The following STAT4 variants were observed in gnomAD, a reference collection of about 807,000 sequenced individuals.
The protein encoded by STAT4 is signal transducer and activator of transcription 4.
STAT4 carries 42 observed loss-of-function variants against 110.5 expected under a neutral mutation model. That is an observed-to-expected ratio of 0.38 (90% confidence interval 0.30 to 0.49). The LOEUF (loss-of-function observed/expected upper bound fraction) is 0.49. Ranked by LOEUF, STAT4 falls within the 20% of genes least tolerant of loss-of-function variation. The pLI, the probability that STAT4 is intolerant of heterozygous loss-of-function variation, is 0.95. For synonymous variants in STAT4, 284 were observed against 302.2 expected (o/e 0.94, Z 0.63); for missense variants, 632 against 887.9 (o/e 0.71, Z 3.66).
At chr2:191,054,838 T>C (rs1696634051) in intron 13 of STAT4, among the ~76,000 whole-genome samples, 1 of 152,200 alleles carries the variant, frequency 6.6e-6, no homozygotes, top group South Asian at 2.1e-4. Flanking sequence ...ACAGCACTCC[T>C]TGGCGCCTGG....
At position 191,058,184 on chromosome 2, in the gene STAT4, A is replaced by G. The variant is rs779136409; in HGVS notation, c.1112+18T>C. The G allele has an allele frequency of 2.0e-5, 33 of 1,613,896 alleles. No individual in the cohort carries two copies. Among genetic ancestry groups the G allele is most frequent in the Non-Finnish European group, 2.8e-5 (33 of 1,179,928 alleles). On this transcript the variant is annotated intron_variant, in intron 12 of 23. Coordinates refer to ENST00000392320, the MANE Select transcript of STAT4 (RefSeq NM_003151.4). This position sits in a 1 kb window ranked among gnomAD's most constrained non-coding sequence, Gnocchi z 4.3. ...TTACAAGAGCAGCAACAAAGTTTCC[A>G]CAAAGTAAATGTCTTACCTTAGAGT...
intron 14 of STAT4, among the ~76,000 whole-genome samples, chr2:191,049,265 C>T (rs1451867992): frequency 6.7e-6 from 1 of 149,774 alleles, no homozygotes; most frequent in Non-Finnish European, 1.5e-5. Context: ...AGCTCTGCCT[C>T]CCGGGTTCAT....
At chr2:191,045,262 T>C (rs1696317129) in intron 14 of STAT4, among the ~76,000 whole-genome samples, 2 of 152,152 alleles carry the variant, frequency 1.3e-5, no homozygotes, top group East Asian at 3.8e-4. Flanking sequence ...AATTTTATAG[T>C]AGGTAAAAAA....
intron 3 of STAT4, among the ~76,000 whole-genome samples, chr2:191,139,867 T>C (rs562554549): frequency 2.0e-5 from 3 of 152,292 alleles, no homozygotes; most frequent in Admixed American, 2.0e-4. Context: ...TAGAAGGCTA[T>C]AGTTACCAAA....
Position 191,030,224 on chromosome 2 carries a change from A to G in STAT4, c.2221-358T>C, listed in dbSNP as rs1414117411. On this transcript the variant is annotated intron_variant, in intron 23 of 23. Transcript: ENST00000392320. The surrounding 1 kb of genome is among the most constrained non-coding windows in gnomAD (Gnocchi z 4.4). ...TCAAAGTAAAGTGAATTTTTCATCT[A>G]TGGAAATCTTCAAGAGAAGGACTAA... 6.6e-6 allele frequency among the ~76,000 whole-genome samples: 1 copy of G among 152,220 alleles called. No homozygotes were observed. Among genetic ancestry groups the G allele is most frequent in the Non-Finnish European group, 1.5e-5 (1 of 68,032 alleles).
At chr2:191,126,478 T>C (rs186723268) in intron 3 of STAT4, among the ~76,000 whole-genome samples, 184 of 152,352 alleles carry the variant, frequency 1.2e-3, no homozygotes, top group African/African-American at 4.2e-3. Flanking sequence ...AATGAAGCAA[T>C]AGATAGTGAA....
chr2:191,070,785 A>G (rs1697122977), intron 5 of STAT4, among the ~76,000 whole-genome samples: 1 of 151,098 alleles, frequency 6.6e-6, no homozygotes, highest in Non-Finnish European at 1.5e-5. Context: ...TCCCAACTCT[A>G]TGACTTATTA....
At position 191,053,159 on chromosome 2, in the gene STAT4, C is replaced by T. The variant is rs1696582181; in HGVS notation, c.1251+1331G>A. ...GATGCTGGATTTATAAAGTGCTTTT[C>T]CTCCAAACAATTCAAAGATCTTTTT... On this transcript the variant is annotated intron_variant, in intron 14 of 23. Coordinates refer to ENST00000392320, the MANE Select transcript of STAT4 (RefSeq NM_003151.4). This position sits in a 1 kb window ranked among gnomAD's most constrained non-coding sequence, Gnocchi z 4.5. Among the ~76,000 whole-genome samples the T allele has an allele frequency of 2.0e-5, 3 of 152,102 alleles. No homozygotes were observed. The South Asian group carries it at 6.2e-4, about 32-fold the overall frequency.
intron 3 of STAT4, among the ~76,000 whole-genome samples, chr2:191,081,531 A>C (rs1203145393): frequency 1.3e-5 from 2 of 152,188 alleles, no homozygotes; most frequent in Non-Finnish European, 2.9e-5. Flanking sequence ...AATGATTGTC[A>C]TGCTAACTGG....
In STAT4 at chr2:191,050,122, C is replaced by T. The variant is rs1012422463; in HGVS notation, c.1251+4368G>A. ...AATTACCTAACACCTCAGTCTGTGGCTAAAACTGTCATTTATCAGTTAAAG... is the reference window on the plus strand; with the variant it reads ...AATTACCTAACACCTCAGTCTGTGGTTAAAACTGTCATTTATCAGTTAAAG... On this transcript the variant is annotated intron_variant, in intron 14 of 23. Coordinates refer to ENST00000392320, the MANE Select transcript of STAT4 (RefSeq NM_003151.4). This position sits in a 1 kb window ranked among gnomAD's most constrained non-coding sequence, Gnocchi z 4.3. Among the ~76,000 whole-genome samples, 2 of 152,192 alleles carry T rather than the reference C, an allele frequency of 1.3e-5. No individual in the cohort carries two copies. Among genetic ancestry groups the T allele is most frequent in the African/African-American group, 4.8e-5 (2 of 41,440 alleles).
rs553017728 is a variant in STAT4 at position 191,079,181 on chromosome 2, G to C, written c.274-2856C>G. 7.0e-5 allele frequency among the ~76,000 whole-genome samples: 10 copies of C among 143,864 alleles called. No individual in the cohort carries two copies. The East Asian group carries it at 1.9e-3, about 27-fold the overall frequency. 94.4% of individuals were successfully genotyped at this position (143,864 alleles called of 152,430 possible). ...GCTTTATAGTAAGTCTTGATGTCAA[G>C]TAGAATAGGTCTTCTTTATATTTCT... On this transcript the variant is annotated intron_variant, in intron 3 of 23. Coordinates refer to ENST00000392320, the MANE Select transcript of STAT4 (RefSeq NM_003151.4).
At chr2:191,071,539 T>A (rs1048563490) in intron 5 of STAT4, among the ~76,000 whole-genome samples, 1 of 152,194 alleles carries the variant, frequency 6.6e-6, no homozygotes, top group African/African-American at 2.4e-5. Flanking sequence ...ATTAAACCAA[T>A]GCCAGATCTC....
At chr2:191,120,371 CA>C (rs1698686360) in intron 3 of STAT4, among the ~76,000 whole-genome samples, 1 of 151,926 alleles carries the variant, frequency 6.6e-6, no homozygotes, top group Admixed American at 6.6e-5. Context: ...TTTAAATGAT[CA>C]AAAAGCCTAG....
intron 13 of STAT4, among the ~76,000 whole-genome samples, chr2:191,056,360 TGG>T (rs1167670863): frequency 5.3e-5 from 8 of 152,124 alleles, no homozygotes; most frequent in Non-Finnish European, 1.0e-4. Context: ...CAAGAGGAAG[TGG>T]TAAAAGCAAG....
At chr2:191,069,400 G>C (rs1041996509) in intron 6 of STAT4, among the ~76,000 whole-genome samples, 1 of 151,934 alleles carries the variant, frequency 6.6e-6, no homozygotes, top group Non-Finnish European at 1.5e-5. Flanking sequence ...ATTTTTTAGA[G>C]ACCTATGCTG....
In STAT4 at chr2:191,144,853, T is replaced by C. The variant is rs1488023058; in HGVS notation, c.273+1760A>G. On this transcript the variant is annotated intron_variant, in intron 3 of 23. Coordinates refer to ENST00000392320, the MANE Select transcript of STAT4 (RefSeq NM_003151.4). The surrounding 1 kb of genome is among the most constrained non-coding windows in gnomAD (Gnocchi z 4.7). Reference sequence around the variant, plus strand: ...CTTCCTCACAATTCCAAAAGGTAGATAATAATTATCTTTGTTTACATTAAA... The same window carrying C: ...CTTCCTCACAATTCCAAAAGGTAGACAATAATTATCTTTGTTTACATTAAA... 6.6e-6 allele frequency among the ~76,000 whole-genome samples: 1 copy of C among 152,186 alleles called. No homozygotes were observed. Among genetic ancestry groups the C allele is most frequent in the Non-Finnish European group, 1.5e-5 (1 of 68,018 alleles).
intron 14 of STAT4, 49 bp downstream of exon 14, chr2:191,054,438 ATAT>A (rs1384652055): frequency 1.4e-6 from 2 of 1,429,280 alleles, no homozygotes; most frequent in Admixed American, 2.0e-5. Context: ...TAAAAATAAG[ATAT>A]TATAAGATCT....
chr2:191,089,995 T>C (rs1697745850), intron 3 of STAT4, among the ~76,000 whole-genome samples: 1 of 152,116 alleles, frequency 6.6e-6, no homozygotes, highest in South Asian at 2.1e-4. Flanking sequence ...ATACATGATA[T>C]TACACATTTG....
In STAT4 at chr2:191,116,743, T is replaced by C. The variant is rs1408354454; in HGVS notation, c.273+29870A>G. ...TGGGCAGGAGACACCTCTGTCTTAC[T>C]GCCTGTTGTATCCCAACATCAGAAG... On this transcript the variant is annotated intron_variant, in intron 3 of 23. Coordinates refer to ENST00000392320, the MANE Select transcript of STAT4 (RefSeq NM_003151.4). The surrounding 1 kb of genome is among the most constrained non-coding windows in gnomAD (Gnocchi z 4.1). Among the ~76,000 whole-genome samples, 3 of 152,134 alleles carry C rather than the reference T, an allele frequency of 2.0e-5. No homozygotes were observed. Among genetic ancestry groups the C allele is most frequent in the African/African-American group, 7.2e-5 (3 of 41,434 alleles).
Sources: allele counts gnomAD v4.1 joint callset (sites outside exome capture counted in the v4.1 genomes callset), GRCh38; gene constraint gnomAD v4.1.1; non-coding constraint Gnocchi (gnomAD v3.1); transcripts MANE v1.5; gene names NCBI Gene and HGNC (gene_info 2026-07-23, HGNC 2026-07-21).